The following NWD2 variants were observed in gnomAD, a reference collection of about 807,000 sequenced individuals.
The protein encoded by NWD2 is NACHT and WD repeat domain containing 2.
In NWD2, 37 loss-of-function variants were observed where a neutral mutation model predicts 132.7. The ratio of observed to expected loss-of-function variants is 0.28; its 90% CI spans 0.21 to 0.37. The LOEUF (loss-of-function observed/expected upper bound fraction) is 0.37. Among genes scored for constraint, NWD2 ranks in the 10% least tolerant of loss-of-function variants. The pLI, the probability that NWD2 is intolerant of heterozygous loss-of-function variation, is 1.00. For synonymous variants in NWD2, 705 were observed against 803.0 expected (o/e 0.88, Z 2.06); for missense variants, 1,592 against 2,122.4 (o/e 0.75, Z 4.91).
intron 2 of NWD2, among the ~76,000 whole-genome samples, chr4:37,344,693 AT>A (rs917040406): frequency 1.3e-5 from 2 of 152,122 alleles, no homozygotes; most frequent in African/African-American, 4.8e-5. Flanking sequence ...GTATGGTATT[AT>A]TTTTTAAATA....
chr4:37,439,270 A>G lies in NWD2; in HGVS notation c.1176A>G (p.Glu392=). The change falls in exon 6 of 7, where the codon GAA becomes GAG. Residue 392 remains glutamate, a synonymous_variant. Transcript: ENST00000309447. The surrounding 1 kb of genome is among the most constrained non-coding windows in gnomAD (Gnocchi z 4.5). ...CCTCCTTCTATGAGTACAAATGTGA[A>G]TCTCTAAACATAGTGCATAACTACA... ...TYASFYEYKC[E]SLNIVHNYIL... is the part of the protein sequence containing the mutation. 4 of 1,551,136 alleles carry G rather than the reference A, an allele frequency of 2.6e-6. No homozygotes were observed. The highest frequency in any genetic ancestry group is 3.5e-6 in the Non-Finnish European group (4 of 1,146,820).
intron 3 of NWD2, among the ~76,000 whole-genome samples, chr4:37,410,335 A>T (rs1198466094): frequency 6.6e-6 from 1 of 152,214 alleles, no homozygotes; most frequent in Non-Finnish European, 1.5e-5. Context: ...GAAAGCAAAA[A>T]AAAGGCAGGA....
chr4:37,246,557 G>A (rs544155589), intron 1 of NWD2, among the ~76,000 whole-genome samples: 1 of 152,274 alleles, frequency 6.6e-6, no homozygotes, highest in East Asian at 1.9e-4. Context: ...TCTCAAAGAT[G>A]TCGTCTAGGA....
At chr4:37,370,306 G>A (rs1011575218) in intron 3 of NWD2, among the ~76,000 whole-genome samples, 1 of 152,120 alleles carries the variant, frequency 6.6e-6, no homozygotes, top group African/African-American at 2.4e-5. Context: ...TTTTAGTAAT[G>A]AGTATTTAAG....
intron 2 of NWD2, among the ~76,000 whole-genome samples, chr4:37,348,637 C>CATATATAT (rs370439742): frequency 2.3e-4 from 6 of 26,554 alleles, no homozygotes; most frequent in East Asian, 1.9e-3. Context: ...GTGGTTAATT[C>CATATATAT]ATATATATAT....
intron 3 of NWD2, among the ~76,000 whole-genome samples, chr4:37,407,577 A>C (rs1188446818): frequency 6.6e-6 from 1 of 152,352 alleles, no homozygotes; most frequent in African/African-American, 2.4e-5. Context: ...GGGAGTGGGG[A>C]TATTATAGAA....
Position 37,444,331 on chromosome 4 carries a change from C to A in NWD2, c.2343C>A (p.Tyr781Ter). Reference sequence around the variant, plus strand: ...AAGCCTTCTGCCTTGAGGACCCCTACTTGAATGGCTGCCTTGACTTGGAGA... The same window carrying A: ...AAGCCTTCTGCCTTGAGGACCCCTAATTGAATGGCTGCCTTGACTTGGAGA... ...RRKAFCLEDP[Y>*]LNGCLDLENR... is the part of the protein sequence containing the mutation. The change falls in exon 7 of 7, where the codon TAC (tyrosine) becomes TAA (stop). Residue 781 changes from tyrosine to a stop codon, truncating the protein, a stop_gained. Transcript: ENST00000309447. LOFTEE classifies it high-confidence loss of function. This position sits in a 1 kb window ranked among gnomAD's most constrained non-coding sequence, Gnocchi z 4.8. 6.4e-7 allele frequency: 1 copy of A among 1,551,870 alleles called. No homozygotes were observed. Among genetic ancestry groups the A allele is most frequent in the Non-Finnish European group, 8.7e-7 (1 of 1,147,026 alleles).
chr4:37,378,783 G>C (rs113839213), intron 3 of NWD2, among the ~76,000 whole-genome samples: 241 of 152,190 alleles, frequency 1.6e-3, no homozygotes, highest in African/African-American at 5.5e-3. Context: ...GTAATGCTGG[G>C]CTCAACAACA....
intron 2 of NWD2, among the ~76,000 whole-genome samples, chr4:37,351,434 C>A (rs893348768): frequency 6.6e-6 from 1 of 152,068 alleles, no homozygotes; most frequent in Non-Finnish European, 1.5e-5. Context: ...AGGAATTTAT[C>A]CATTTCTTCT....
At chr4:37,378,169 G>A (rs576072159) in intron 3 of NWD2, among the ~76,000 whole-genome samples, 5 of 152,110 alleles carry the variant, frequency 3.3e-5, no homozygotes, top group African/African-American at 9.6e-5. Flanking sequence ...CCACCCTCCC[G>A]AACTTATGTT....
chr4:37,252,757 C>T (rs1014772597), intron 1 of NWD2, among the ~76,000 whole-genome samples: 7 of 152,134 alleles, frequency 4.6e-5, no homozygotes, highest in Admixed American at 3.9e-4. Context: ...AGGAGTCCAG[C>T]CCAAGATTCC....
intron 3 of NWD2, among the ~76,000 whole-genome samples, chr4:37,365,424 G>A (rs1720081828): frequency 6.6e-6 from 1 of 152,120 alleles, no homozygotes; most frequent in African/African-American, 2.4e-5. Context: ...TCATTGATTT[G>A]AACTGGAAAG....
chr4:37,443,241 T>C lies in NWD2; in HGVS notation c.1297-44T>C, dbSNP rs1352165738. 10 of 1,457,266 alleles carry C rather than the reference T, an allele frequency of 6.9e-6. No individual in the cohort carries two copies. Among genetic ancestry groups the C allele is most frequent in the East Asian group, 2.5e-5 (1 of 40,242 alleles). 90.3% of individuals were successfully genotyped at this position (1,457,266 alleles called of 1,614,324 possible). A position where few individuals can be genotyped will look rare whatever the true frequency, so the allele number is the denominator to read the frequency against. On this transcript the variant is annotated intron_variant, in intron 6 of 6. Coordinates refer to ENST00000309447, the MANE Select transcript of NWD2 (RefSeq NM_001144990.2). This position sits in a 1 kb window ranked among gnomAD's most constrained non-coding sequence, Gnocchi z 4.1. ...GAGGCAATGTTATCACATATGACCA[T>C]GTGAATACATATTACCATTCTAAAC...
chr4:37,302,849 A>G (rs1184411297), intron 1 of NWD2, among the ~76,000 whole-genome samples: 1 of 152,106 alleles, frequency 6.6e-6, no homozygotes, highest in Non-Finnish European at 1.5e-5. Context: ...TGTATTCTAA[A>G]TATTAATCTC....
chr4:37,388,642 A>ATCATATAT (rs1172966076), intron 3 of NWD2, among the ~76,000 whole-genome samples: 1 of 147,808 alleles, frequency 6.8e-6, no homozygotes, highest in Admixed American at 6.8e-5. Flanking sequence ...TATCATATAT[A>ATCATATAT]AATATATATA....
At chr4:37,295,471 A>G (rs1449065157) in intron 1 of NWD2, among the ~76,000 whole-genome samples, 1 of 152,198 alleles carries the variant, frequency 6.6e-6, no homozygotes, top group East Asian at 1.9e-4. Flanking sequence ...GCGTGTGTGT[A>G]TCTTAATAAT....
intron 3 of NWD2, among the ~76,000 whole-genome samples, chr4:37,362,390 G>GT (rs1719997871): frequency 1.3e-5 from 2 of 152,106 alleles, no homozygotes; most frequent in Non-Finnish European, 2.9e-5. Flanking sequence ...CAAAGCTGGA[G>GT]GCATCACCAC....
At chr4:37,404,172 G>A (rs975333756) in intron 3 of NWD2, among the ~76,000 whole-genome samples, 2 of 152,140 alleles carry the variant, frequency 1.3e-5, no homozygotes, top group Non-Finnish European at 2.9e-5. Context: ...TCTCCATTTT[G>A]CCATATACTT....
intron 1 of NWD2, among the ~76,000 whole-genome samples, chr4:37,295,448 G>A (rs1718453841): frequency 6.6e-6 from 1 of 152,126 alleles, no homozygotes; most frequent in Admixed American, 6.5e-5. Context: ...ATCTCATGCT[G>A]CGCCTTAGCT....
Sources: gnomAD v4.1 joint callset for allele counts (sites outside exome capture counted in the v4.1 genomes callset) on GRCh38, gnomAD v4.1.1 for gene constraint, Gnocchi (gnomAD v3.1) non-coding constraint, MANE v1.5 for transcripts, NCBI Gene and HGNC (gene_info 2026-07-23, HGNC 2026-07-21) for gene names.